SHOC2: variants seen among roughly 807,000 people sequenced by gnomAD.
SHOC2 encodes the protein SHOC2 leucine rich repeat scaffold protein, also known as leucine-rich repeat protein SHOC-2.
A neutral mutation model predicts 50.2 loss-of-function variants in SHOC2; 4 were observed. The ratio of observed to expected loss-of-function variants is 0.08; its 90% CI spans 0.04 to 0.18. The LOEUF is 0.18. SHOC2 is among the 10% of genes least tolerant of loss of function. SHOC2 has a pLI of 1.00. For synonymous variants in SHOC2, 218 were observed against 244.5 expected (o/e 0.89, Z 1.01); for missense variants, 388 against 669.6 (o/e 0.58, Z 4.64).
At chr10:111,002,544 C>CT (rs1224905113) in intron 4 of SHOC2, among the ~76,000 whole-genome samples, 2 of 152,126 alleles carry the variant, frequency 1.3e-5, no homozygotes, top group Non-Finnish European at 2.9e-5. Flanking sequence ...TCTAGTTGCT[C>CT]TACATGTATT....
At chr10:110,945,183 A>G (rs534843187) in intron 1 of SHOC2, among the ~76,000 whole-genome samples, 8 of 152,326 alleles carry the variant, frequency 5.3e-5, no homozygotes, top group Admixed American at 6.5e-5. Context: ...TTTTCAATGA[A>G]TATCTCCCTG....
chr10:110,948,048 A>G (rs927981731), intron 1 of SHOC2, among the ~76,000 whole-genome samples: 5 of 152,146 alleles, frequency 3.3e-5, no homozygotes, highest in African/African-American at 1.2e-4. Flanking sequence ...TTTCACGCAA[A>G]TGGTAACCAG....
chr10:110,998,894 A>G (rs771052416), intron 3 of SHOC2, among the ~76,000 whole-genome samples: 2 of 152,266 alleles, frequency 1.3e-5, no homozygotes, highest in Admixed American at 1.3e-4. Context: ...ATCATGAGGC[A>G]TAAGGAGTGC....
chr10:110,979,945 CAACT>C lies in SHOC2; in HGVS notation c.704-5682_704-5679del, dbSNP rs1273779706. ...ACTCACTAGACAGGTACTGGGCCAC[CAACT>C]GTTTGTTACTAGTTTGCCCAAATTA... On this transcript the variant is annotated intron_variant, in intron 2 of 8. Transcript: ENST00000369452. 2.4e-4 allele frequency among the ~76,000 whole-genome samples: 37 copies of C among 152,264 alleles called. No homozygotes were observed. The East Asian group carries it at 6.4e-3, about 26-fold the overall frequency.
intron 1 of SHOC2, among the ~76,000 whole-genome samples, chr10:110,958,802 C>G (rs1166367128): frequency 6.6e-6 from 1 of 151,900 alleles, no homozygotes; most frequent in Non-Finnish European, 1.5e-5. Flanking sequence ...CAGACATTAC[C>G]CTGAATCCCT....
chr10:110,929,596 G>A (rs1457825668), intron 1 of SHOC2, among the ~76,000 whole-genome samples: 5 of 152,206 alleles, frequency 3.3e-5, no homozygotes, highest in South Asian at 2.1e-4. Context: ...GGTGCCAGCC[G>A]TTTCTGTTCA....
At chr10:111,006,103 A>G (rs995141805) in intron 5 of SHOC2, among the ~76,000 whole-genome samples, 6 of 152,214 alleles carry the variant, frequency 3.9e-5, no homozygotes, top group East Asian at 1.9e-4. Flanking sequence ...TTAAAACACA[A>G]TGGTTCAGGT....
intron 1 of SHOC2, among the ~76,000 whole-genome samples, chr10:110,954,485 T>G (rs1847419224): frequency 6.6e-6 from 1 of 151,698 alleles, no homozygotes; most frequent in Admixed American, 6.6e-5. Flanking sequence ...TAAAAGTGCC[T>G]TTGAAATTAA....
intron 3 of SHOC2, among the ~76,000 whole-genome samples, chr10:110,995,445 A>G (rs1053225446): frequency 6.6e-6 from 1 of 152,220 alleles, no homozygotes; most frequent in Admixed American, 6.5e-5. Flanking sequence ...CATGAGCACA[A>G]CAGTGAGGAC....
chr10:110,954,210 T>A (rs950670743), intron 1 of SHOC2, among the ~76,000 whole-genome samples: 3 of 151,838 alleles, frequency 2.0e-5, no homozygotes, highest in African/African-American at 7.2e-5. Context: ...TAATTTCTTT[T>A]TTACTAAAAG....
rs755294328 is a variant in SHOC2, at chr10:110,973,865, C to CAT, written c.703+8816_703+8817dup. Reference sequence around the variant, plus strand: ...CATTTTTATTATGCTTTTAATGTTCCATATATATATATACACTATATATAT... The same window carrying CAT: ...CATTTTTATTATGCTTTTAATGTTCCATATATATATATATACACTATATATAT... On this transcript the variant is annotated intron_variant, in intron 2 of 8. Coordinates refer to ENST00000369452, the MANE Select transcript of SHOC2 (RefSeq NM_007373.4). Among the ~76,000 whole-genome samples the CAT allele has an allele frequency of 4.8e-3, 716 of 150,302 alleles. 6 individuals are homozygous for CAT. Among genetic ancestry groups the CAT allele is most frequent in the African/African-American group, 0.015 (614 of 41,036 alleles).
intron 1 of SHOC2, among the ~76,000 whole-genome samples, chr10:110,948,685 C>T (rs780276488): frequency 3.3e-5 from 5 of 152,064 alleles, no homozygotes; most frequent in Admixed American, 6.5e-5. Context: ...AGACAAAAGA[C>T]AGTGGAAACA....
chr10:110,919,433 C>T (rs3750622), upstream of SHOC2: 26,328 of 393,454 alleles, frequency 0.067, 2,189 homozygotes, highest in East Asian at 0.29. Context: ...GGCAGCTTCT[C>T]TTGCCCCGGT....
At chr10:110,994,765 G>A (rs1201316940) in intron 3 of SHOC2, among the ~76,000 whole-genome samples, 2 of 152,062 alleles carry the variant, frequency 1.3e-5, no homozygotes, top group East Asian at 1.9e-4. Context: ...TATAAACCAT[G>A]GTTATCTAAG....
chr10:110,936,428 T>G (rs559494841), intron 1 of SHOC2, among the ~76,000 whole-genome samples: 9 of 152,154 alleles, frequency 5.9e-5, no homozygotes, highest in African/African-American at 1.9e-4. Flanking sequence ...TAAACATTGA[T>G]TCCCTCCTCC....
chr10:111,007,491 T>C, intron 5 of SHOC2, 40 bp from the exon 6 acceptor site: 1 of 1,611,568 alleles, frequency 6.2e-7, no homozygotes. Flanking sequence ...AACTTTGTTT[T>C]TGTGATTCTA....
intron 2 of SHOC2, among the ~76,000 whole-genome samples, chr10:110,969,769 G>C (rs767261972): frequency 1.1e-4 from 16 of 151,946 alleles, no homozygotes; most frequent in Admixed American, 5.9e-4. Flanking sequence ...TTTCATGTGG[G>C]TCTAGTTGTC....
chr10:110,986,834 A>G (rs1279170960), intron 3 of SHOC2, among the ~76,000 whole-genome samples: 1 of 152,168 alleles, frequency 6.6e-6, no homozygotes, highest in East Asian at 1.9e-4. Context: ...TGATGATGTT[A>G]TCTTTCTCCA....
chr10:110,960,639 A>C (rs1022836872), intron 1 of SHOC2, among the ~76,000 whole-genome samples: 1 of 152,180 alleles, frequency 6.6e-6, no homozygotes, highest in African/African-American at 2.4e-5. Context: ...GTTCCAGAGA[A>C]AAATGGTATC....
Sources: gnomAD v4.1 joint callset for allele counts (sites outside exome capture counted in the v4.1 genomes callset) on GRCh38, gnomAD v4.1.1 for gene constraint, MANE v1.5 for transcripts, NCBI Gene and HGNC (gene_info 2026-07-23, HGNC 2026-07-21) for gene names.